Variants in TMEM131 observed in about 807,000 individuals in gnomAD.
The protein encoded by TMEM131 is 2610524E03Rik.
A neutral mutation model predicts 211.6 loss-of-function variants in TMEM131; 66 were observed. That is an observed-to-expected ratio of 0.31 (90% CI 0.26 to 0.38). The LOEUF (loss-of-function observed/expected upper bound fraction) is 0.38, where lower values mean the gene tolerates loss of function less well. Among genes scored for constraint, TMEM131 ranks in the 10% least tolerant of loss-of-function variants. TMEM131 has a pLI of 1.00. For missense variants in TMEM131, 2,036 were observed against 2,299.3 expected (o/e 0.89, Z 2.34); for synonymous variants, 844 against 841.3 (o/e 1.00, Z -0.06).
Position 97,888,113 on chromosome 2 carries a change from G to A in TMEM131, c.298C>T (p.Leu100Phe). 6.2e-7 allele frequency: 1 copy of A among 1,612,038 alleles called. No homozygotes were observed. Among genetic ancestry groups the A allele is most frequent in the Non-Finnish European group, 8.5e-7 (1 of 1,178,522 alleles). The change falls in exon 4 of 41, where the codon CTC becomes TTC. Residue 100 changes from leucine (L) to phenylalanine (F), a missense_variant. By Grantham distance (22) the Leu-to-Phe change is conservative. Around this residue, in one of 3 missense-constraint regions of TMEM131, gnomAD observed 277 missense variants for 378.0 expected, o/e 0.73. Coordinates refer to ENST00000186436, the MANE Select transcript of TMEM131 (RefSeq NM_015348.2). ...ATGGGCCTGCAATTCCCCCGGTAGA[G>A]AGATATACTGTAAATAAAAAGAAAA... Reference protein sequence around the residue: ...LSSYQQKSISLYRGNCRPIRF... With the variant: ...LSSYQQKSISFYRGNCRPIRF...
intron 3 of TMEM131, among the ~76,000 whole-genome samples, chr2:97,900,745 T>G (rs1236852139): frequency 6.6e-6 from 1 of 152,200 alleles, no homozygotes. Flanking sequence ...ATGAATTTGC[T>G]GGATCACATA....
chr2:97,806,472 C>T (rs552143584), intron 19 of TMEM131, among the ~76,000 whole-genome samples: 8 of 152,060 alleles, frequency 5.3e-5, no homozygotes, highest in African/African-American at 1.7e-4. Flanking sequence ...ACTCGGGAAG[C>T]GGAGGCTGCA....
chr2:97,971,775 T>C (rs926650460), intron 1 of TMEM131, among the ~76,000 whole-genome samples: 2 of 152,146 alleles, frequency 1.3e-5, no homozygotes, highest in Non-Finnish European at 2.9e-5. Context: ...GGCAGGAGGA[T>C]TGCTTGAGCC....
At chr2:97,937,344 A>G (rs1014667643) in intron 1 of TMEM131, among the ~76,000 whole-genome samples, 3 of 152,156 alleles carry the variant, frequency 2.0e-5, no homozygotes, top group African/African-American at 4.8e-5. Context: ...GCAAACTCAA[A>G]AATAGGTTGG....
At chr2:97,830,125 T>A in intron 11 of TMEM131, among the ~76,000 whole-genome samples, 1 of 105,868 alleles carries the variant, frequency 9.4e-6, no homozygotes, top group African/African-American at 3.9e-5. Context: ...CTTCACTCAT[T>A]ATCAGTTAAA....
At chr2:97,843,513 T>C (rs531475437) in intron 6 of TMEM131, among the ~76,000 whole-genome samples, 22 of 152,254 alleles carry the variant, frequency 1.4e-4, no homozygotes, top group African/African-American at 5.3e-4. Context: ...TTTATAAAAA[T>C]GTTTTTTGTA....
Position 97,792,543 on chromosome 2 carries a change from A to C in TMEM131, c.3987T>G (p.Pro1329=), listed in dbSNP as rs1229776908. 6.2e-7 allele frequency: 1 copy of C among 1,613,294 alleles called. No individual in the cohort carries two copies. Among genetic ancestry groups the C allele is most frequent in the Non-Finnish European group, 8.5e-7 (1 of 1,179,636 alleles). The change falls in exon 31 of 41, where the codon CCT becomes CCG. Residue 1329 remains proline (P), a synonymous_variant. Transcript: ENST00000186436. ...ERLSPAPLAH[P]SHPERASSAR... is the part of the protein sequence containing the mutation. ...CGCTGCTGGCACGTTCTGGGTGGGA[A>C]GGGTGTGCGAGGGGGGCGGGAGACA...
intron 1 of TMEM131, among the ~76,000 whole-genome samples, chr2:97,943,041 G>GAAAAGAAAAGAAAAGA (rs779804229): frequency 3.3e-4 from 12 of 36,640 alleles, no homozygotes; most frequent in Admixed American, 5.8e-4. Flanking sequence ...GAAAAGAAAA[G>GAAAAGAAAAGAAAAGA]AAAGAAAGAA....
rs1450147488 is a variant in TMEM131 at position 97,759,842 on chromosome 2, C to T, written c.5109-93G>A. 23 of 826,860 alleles carry T rather than the reference C, an allele frequency of 2.8e-5. No homozygotes were observed. In the East Asian group the frequency reaches 5.6e-4, roughly 20 times the overall value. The allele number at this position is 826,860 out of a possible 1,614,324, so 51.2% of individuals were successfully genotyped here. On this transcript the variant is annotated intron_variant, in intron 38 of 40. Coordinates refer to ENST00000186436, the MANE Select transcript of TMEM131 (RefSeq NM_015348.2). ...TGCACAGCTTCACAAACAGGAGACA[C>T]TGCTTCAACTGGGGGTACTCAAATA...
intron 2 of TMEM131, among the ~76,000 whole-genome samples, chr2:97,921,559 G>A (rs1676741253): frequency 1.3e-5 from 2 of 152,118 alleles, no homozygotes; most frequent in Admixed American, 6.5e-5. Flanking sequence ...AAGCCAAAAG[G>A]GCAATCCATC....
intron 2 of TMEM131, among the ~76,000 whole-genome samples, chr2:97,915,257 CA>C (rs1173817178): frequency 1.3e-5 from 2 of 152,176 alleles, no homozygotes; most frequent in Admixed American, 1.3e-4. Flanking sequence ...GTGTGACTTG[CA>C]AATATTTTCT....
chr2:97,778,289 G>C (rs1679828776), intron 31 of TMEM131, among the ~76,000 whole-genome samples: 1 of 152,196 alleles, frequency 6.6e-6, no homozygotes, highest in Admixed American at 6.5e-5. Context: ...TTCGGCTCAG[G>C]CCTGTAATCC....
intron 35 of TMEM131, 69 bp from the exon 36 acceptor site, chr2:97,762,269 A>G: frequency 6.7e-7 from 1 of 1,499,386 alleles, no homozygotes; most frequent in Non-Finnish European, 9.2e-7. Context: ...ATCACTTTGA[A>G]TGTTCTCTAA....
chr2:97,873,765 T>A (rs1342888127), intron 4 of TMEM131, among the ~76,000 whole-genome samples: 1 of 152,134 alleles, frequency 6.6e-6, no homozygotes, highest in Non-Finnish European at 1.5e-5. Context: ...AAGATGGGGA[T>A]AAACCAGCAC....
chr2:97,927,378 A>G (rs369771599), intron 2 of TMEM131, 48 bp downstream of exon 2: 134 of 1,353,854 alleles, frequency 9.9e-5, no homozygotes, highest in Non-Finnish European at 1.2e-4. Context: ...TAATAACCAG[A>G]TATTATTCAA....
At chr2:97,852,628 G>A (rs887860887) in intron 5 of TMEM131, among the ~76,000 whole-genome samples, 4 of 152,248 alleles carry the variant, frequency 2.6e-5, no homozygotes, top group Admixed American at 6.5e-5. Flanking sequence ...AAAGTGCAAG[G>A]TGAAGCATTA....
intron 3 of TMEM131, among the ~76,000 whole-genome samples, chr2:97,888,960 T>C (rs1240808646): frequency 5.3e-5 from 8 of 152,180 alleles, no homozygotes; most frequent in Admixed American, 2.6e-4. Flanking sequence ...CTGAAATTCA[T>C]AGTAACGTAA....
intron 1 of TMEM131, among the ~76,000 whole-genome samples, chr2:97,931,645 A>G (rs1677223024): frequency 6.6e-6 from 1 of 152,218 alleles, no homozygotes. Flanking sequence ...CTAGGTTGTC[A>G]TTGCATATCT....
At chr2:97,794,625 T>C (rs1441503914) in intron 29 of TMEM131, among the ~76,000 whole-genome samples, 2 of 152,234 alleles carry the variant, frequency 1.3e-5, no homozygotes, top group Admixed American at 6.5e-5. Context: ...TAGGTACTAT[T>C]GTGTTAAGTA....
Sources: gnomAD v4.1 joint callset for allele counts (sites outside exome capture counted in the v4.1 genomes callset) on GRCh38, gnomAD v4.1.1 for gene constraint, gnomAD v4.1.1 regional missense constraint, MANE v1.5 for transcripts, NCBI Gene and HGNC (gene_info 2026-07-23, HGNC 2026-07-21) for gene names.